ANKRD17: variants seen among roughly 807,000 people sequenced by gnomAD.
ANKRD17 encodes ankyrin repeat domain 17.
A neutral mutation model predicts 229.7 loss-of-function variants in ANKRD17; 19 were observed. The ratio of observed to expected loss-of-function variants is 0.08; its 90% CI spans 0.06 to 0.12. ANKRD17 has a LOEUF of 0.12. Ranked by LOEUF, ANKRD17 falls within the 10% of genes least tolerant of loss-of-function variation. The pLI, the probability that ANKRD17 is intolerant of heterozygous loss-of-function variation, is 1.00. For synonymous variants in ANKRD17, 1,112 were observed against 1,146.1 expected, an observed-to-expected ratio of 0.97 and a Z score of 0.60; for missense variants, 2,176 against 3,176.8, an observed-to-expected ratio of 0.68 and a Z score of 7.57.
intron 11 of ANKRD17, 122 bp from the exon 12 acceptor site, chr4:73,142,889 G>A (rs1267849184): frequency 1.2e-5 from 13 of 1,055,484 alleles, no homozygotes; most frequent in South Asian, 3.9e-5. Context: ...ACCCATTACC[G>A]AGCTTTAATG....
At chr4:73,228,985 G>C (rs1742786555) in intron 1 of ANKRD17, among the ~76,000 whole-genome samples, 1 of 152,174 alleles carries the variant, frequency 6.6e-6, no homozygotes, top group Non-Finnish European at 1.5e-5. Context: ...CCTTTGTAGG[G>C]ACACGGATGA....
intron 27 of ANKRD17, 53 bp from the exon 28 acceptor site, chr4:73,094,281 G>A: frequency 1.3e-6 from 2 of 1,493,628 alleles, no homozygotes; most frequent in African/African-American, 1.4e-5. Flanking sequence ...AATAGTTATT[G>A]TAATTTTTAA....
intron 24 of ANKRD17, chr4:73,113,051 G>A: frequency 9.0e-7 from 1 of 1,114,198 alleles, no homozygotes; most frequent in Non-Finnish European, 1.1e-6. Context: ...GCCTCCCAAA[G>A]TGCTGGGAAT....
intron 29 of ANKRD17, among the ~76,000 whole-genome samples, chr4:73,087,483 A>T (rs183990724): frequency 1.2e-3 from 184 of 152,322 alleles, no homozygotes; most frequent in African/African-American, 4.2e-3. Context: ...GGATTGACAT[A>T]ATCACTGAAT....
Position 73,152,052 on chromosome 4 carries a change from T to A in ANKRD17, c.1235-528A>T, listed in dbSNP as rs988272944. Reference sequence around the variant, plus strand: ...TTTATATTTATATATTTAATTATAATATAAACATGTACACACATTAATGCA... The same window carrying A: ...TTTATATTTATATATTTAATTATAAAATAAACATGTACACACATTAATGCA... On this transcript the variant is annotated intron_variant, in intron 6 of 33. Coordinates refer to ENST00000358602, the MANE Select transcript of ANKRD17 (RefSeq NM_032217.5). Among the ~76,000 whole-genome samples the A allele has an allele frequency of 2.6e-5, 4 of 152,074 alleles. 1 individual carries two copies. Among genetic ancestry groups the A allele is most frequent in the Admixed American group, 2.6e-4 (4 of 15,278 alleles).
At chr4:73,106,173 G>A (rs1253786417) in intron 24 of ANKRD17, among the ~76,000 whole-genome samples, 1 of 152,112 alleles carries the variant, frequency 6.6e-6, no homozygotes, top group East Asian at 1.9e-4. Flanking sequence ...GAACCTGGGA[G>A]ACGGAGCTTG....
intron 22 of ANKRD17, 88 bp downstream of exon 22, chr4:73,118,600 C>T (rs1338197314): frequency 6.9e-7 from 1 of 1,457,428 alleles, no homozygotes; most frequent in African/African-American, 1.4e-5. Context: ...TGCAAAAGCA[C>T]AAAATGAGTC....
At chr4:73,211,886 A>G (rs1740326306) in intron 1 of ANKRD17, among the ~76,000 whole-genome samples, 1 of 151,822 alleles carries the variant, frequency 6.6e-6, no homozygotes, top group Admixed American at 6.6e-5. Context: ...GTAAGCTTTC[A>G]TAAGCAGAAG....
intron 6 of ANKRD17, among the ~76,000 whole-genome samples, chr4:73,152,324 G>A (rs1731104640): frequency 6.6e-6 from 1 of 152,078 alleles, no homozygotes; most frequent in Admixed American, 6.6e-5. Context: ...AGTAAGTGTA[G>A]TATCTGCCGC....
rs1034006501 is a variant in ANKRD17, at chr4:73,148,744, C to A, written c.1567+69G>T. ...TACTAGAAAGGTGAAATACTAAAAT[C>A]CAATTTTATAAAATTATACTCTTAG... On this transcript the variant is annotated intron_variant, in intron 8 of 33. Transcript: ENST00000358602. 6.4e-6 allele frequency: 9 copies of A among 1,414,234 alleles called. No individual in the cohort carries two copies. The Admixed American group carries it at 1.7e-4, about 27-fold the overall frequency. The allele number at this position is 1,414,234 out of a possible 1,614,324, so 87.6% of individuals were successfully genotyped here.
At chr4:73,122,256 T>C (rs1726839528) in intron 18 of ANKRD17, among the ~76,000 whole-genome samples, 1 of 152,162 alleles carries the variant, frequency 6.6e-6, no homozygotes, top group African/African-American at 2.4e-5. Context: ...AGATTTTAGG[T>C]CCCACCTACT....
rs776305671 is a variant in ANKRD17 at position 73,076,982 on chromosome 4, T to C, written c.7710A>G (p.Ile2570Met). 3.1e-6 allele frequency: 5 copies of C among 1,613,368 alleles called. No homozygotes were observed. The highest frequency in any genetic ancestry group is 4.2e-6 in the Non-Finnish European group (5 of 1,179,672). The change falls in exon 33 of 34, where the codon ATA becomes ATG. Residue 2570 changes from isoleucine (I) to methionine (M), a missense_variant. Ile to Met is a conservative substitution (Grantham distance 10, BLOSUM62 1). Transcript: ENST00000358602. ...HAADPSWNSLIKMVSSSTENN... is the reference protein window; with the variant it reads ...HAADPSWNSLMKMVSSSTENN... ...TTTCCGTGGAGCTGGAAACCATCTTTATCAGTGAGTTCCAAGAAGGGTCTG... is the reference window on the plus strand; with the variant it reads ...TTTCCGTGGAGCTGGAAACCATCTTCATCAGTGAGTTCCAAGAAGGGTCTG...
chr4:73,208,733 G>C (rs539800237), intron 1 of ANKRD17, among the ~76,000 whole-genome samples: 2 of 152,216 alleles, frequency 1.3e-5, no homozygotes, highest in East Asian at 3.9e-4. Flanking sequence ...AAAAATAAAA[G>C]ATATCAACAT....
intron 2 of ANKRD17, among the ~76,000 whole-genome samples, chr4:73,175,196 CAGA>C (rs1264672966): frequency 6.6e-6 from 1 of 152,130 alleles, no homozygotes; most frequent in Non-Finnish European, 1.5e-5. Context: ...ACAATCATGG[CAGA>C]AGGTGAAGAG....
chr4:73,092,989 G>C (rs1245296225), intron 28 of ANKRD17, among the ~76,000 whole-genome samples: 1 of 152,126 alleles, frequency 6.6e-6, no homozygotes, highest in African/African-American at 2.4e-5. Context: ...TACCAATAAA[G>C]GGTATCTGGT....
intron 1 of ANKRD17, among the ~76,000 whole-genome samples, chr4:73,180,480 C>A (rs1735406064): frequency 6.6e-6 from 1 of 152,114 alleles, no homozygotes; most frequent in African/African-American, 2.4e-5. Context: ...ATTGCATTTC[C>A]ATCTCTTGAT....
At chr4:73,113,994 G>A (rs1725629552) in intron 23 of ANKRD17, 86 bp from the exon 24 acceptor site, 2 of 947,618 alleles carry the variant, frequency 2.1e-6, no homozygotes, top group Non-Finnish European at 3.3e-6. Flanking sequence ...TCTTTAGTAA[G>A]GTACTCAAAC....
intron 15 of ANKRD17, among the ~76,000 whole-genome samples, chr4:73,136,544 G>GAAAAC (rs544603238): frequency 1.3e-3 from 191 of 151,928 alleles, no homozygotes; most frequent in African/African-American, 2.5e-3. Flanking sequence ...AAACGAAGGA[G>GAAAAC]AAAACAAAAC....
intron 1 of ANKRD17, among the ~76,000 whole-genome samples, chr4:73,185,801 A>C (rs1448667683): frequency 6.6e-6 from 1 of 152,120 alleles, no homozygotes; most frequent in Admixed American, 6.5e-5. Context: ...CTATGTGAAC[A>C]TAATTGAAGG....
Sources: allele counts gnomAD v4.1 joint callset (sites outside exome capture counted in the v4.1 genomes callset), GRCh38; gene constraint gnomAD v4.1.1; transcripts MANE v1.5; gene names NCBI Gene and HGNC (gene_info 2026-07-23, HGNC 2026-07-21).